Variants in HPS3 observed in about 807,000 individuals in gnomAD.
The protein encoded by HPS3 is BLOC-2 complex member HPS3.
HPS3 carries 79 observed loss-of-function variants against 110.9 expected under a neutral mutation model. The observed-to-expected ratio is 0.71, with a 90% CI of 0.59 to 0.86. HPS3 has a LOEUF of 0.86. HPS3 is among the 40% of genes least tolerant of loss of function. HPS3 has a pLI of 0.00. For synonymous variants in HPS3, 428 were observed against 451.0 expected, an observed-to-expected ratio of 0.95 and a Z score of 0.65; for missense variants, 1,197 against 1,206.2, an observed-to-expected ratio of 0.99 and a Z score of 0.11.
intron 1 of HPS3, among the ~76,000 whole-genome samples, chr3:149,133,090 A>G (rs1721870607): frequency 6.6e-6 from 1 of 152,198 alleles, no homozygotes; most frequent in African/African-American, 2.4e-5. Flanking sequence ...TGCTGGGAAC[A>G]TTGTTCAAAA....
intron 16 of HPS3, among the ~76,000 whole-genome samples, chr3:149,171,872 T>G (rs1340648950): frequency 6.6e-6 from 1 of 151,688 alleles, no homozygotes; most frequent in East Asian, 1.9e-4. Flanking sequence ...GCCCGGCTAA[T>G]TTTTTTGTAT....
Position 149,172,518 on chromosome 3 carries a change from AC to A in HPS3, c.*297del, listed in dbSNP as rs1249250776. On this transcript the variant is annotated 3_prime_UTR_variant, in exon 17 of 17. Transcript: ENST00000296051. Reference sequence around the variant, plus strand: ...CATACATTTTTTAAGGTGGGGATTGACTTTTATTCCAAGGAACAACATCAGT... The same window carrying A: ...CATACATTTTTTAAGGTGGGGATTGATTTTATTCCAAGGAACAACATCAGT... The A allele has an allele frequency of 7.1e-6, 2 of 280,330 alleles. No individual in the cohort carries two copies. The highest frequency in any genetic ancestry group is 4.4e-5 in the African/African-American group (2 of 45,428). 17.4% of individuals were successfully genotyped at this position (280,330 alleles called of 1,614,324 possible). A position where few individuals can be genotyped will look rare whatever the true frequency, so the allele number is the denominator to read the frequency against.
chr3:149,131,537 C>T (rs931446152), intron 1 of HPS3, among the ~76,000 whole-genome samples: 1 of 152,124 alleles, frequency 6.6e-6, no homozygotes, highest in Non-Finnish European at 1.5e-5. Context: ...GAACTGTGCC[C>T]ATGTGAGATG....
intron 16 of HPS3, among the ~76,000 whole-genome samples, chr3:149,169,522 C>A (rs1724768543): frequency 6.6e-6 from 1 of 152,208 alleles, no homozygotes; most frequent in Admixed American, 6.5e-5. Flanking sequence ...ATTTTTCAAC[C>A]TTGGTAATTG....
intron 16 of HPS3, 55 bp from the exon 17 acceptor site, chr3:149,172,040 A>AGATT (rs1020321309): frequency 1.9e-6 from 3 of 1,576,474 alleles, no homozygotes; most frequent in Non-Finnish European, 2.6e-6. Context: ...AAGTAAGAAG[A>AGATT]GATTGAATGA....
chr3:149,159,997 T>C, intron 10 of HPS3, 49 bp from the exon 11 acceptor site: 1 of 1,377,520 alleles, frequency 7.3e-7, no homozygotes. Context: ...GTTGCTTTCT[T>C]CTGGCTGACT....
intron 4 of HPS3, among the ~76,000 whole-genome samples, chr3:149,142,974 G>A (rs950353332): frequency 9.9e-5 from 15 of 152,256 alleles, no homozygotes; most frequent in African/African-American, 3.6e-4. Context: ...GAGGGGAAGA[G>A]AGCCTTCCAG....
chr3:149,167,314 C>A lies in HPS3; in HGVS notation c.2796+74C>A, dbSNP rs1201655224. The A allele has an allele frequency of 8.6e-6, 10 of 1,166,798 alleles. No individual in the cohort carries two copies. In the East Asian group the frequency reaches 2.0e-4, roughly 24 times the overall value. The allele number at this position is 1,166,798 out of a possible 1,614,324, so 72.3% of individuals were successfully genotyped here. ...TCTGATAACCTCATTTCCTTTCCTG[C>A]AAAATGGGGACAATTTATGCTAATC... On this transcript the variant is annotated intron_variant, in intron 15 of 16. Coordinates refer to ENST00000296051, the MANE Select transcript of HPS3 (RefSeq NM_032383.5).
intron 4 of HPS3, among the ~76,000 whole-genome samples, chr3:149,141,910 G>A (rs2108132099): frequency 6.6e-6 from 1 of 150,984 alleles, no homozygotes; most frequent in South Asian, 2.1e-4. Flanking sequence ...GAGTGCAATG[G>A]TATGATCTTG....
rs140733110 is a variant in HPS3 at position 149,135,825 on chromosome 3, G to A, written c.218-4179G>A. Among the ~76,000 whole-genome samples, 742 of 152,154 alleles carry A rather than the reference G, an allele frequency of 4.9e-3. 3 individuals carry two copies. Among genetic ancestry groups the A allele is most frequent in the African/African-American group, 0.015 (640 of 41,508 alleles). On this transcript the variant is annotated intron_variant, in intron 1 of 16. Coordinates refer to ENST00000296051, the MANE Select transcript of HPS3 (RefSeq NM_032383.5). ...CAGACCACAAGGCTGTAATTGCCTGGCCATTAGCACAAGTGTACTAAACCA... is the reference window on the plus strand; with the variant it reads ...CAGACCACAAGGCTGTAATTGCCTGACCATTAGCACAAGTGTACTAAACCA...
intron 1 of HPS3, among the ~76,000 whole-genome samples, chr3:149,138,442 A>C (rs2108125592): frequency 6.6e-6 from 1 of 152,338 alleles, no homozygotes; most frequent in African/African-American, 2.4e-5. Context: ...TTACCCGCAA[A>C]ATTCTAAAGA....
chr3:149,151,588 A>T (rs73866979), intron 6 of HPS3, among the ~76,000 whole-genome samples: 1,005 of 71,910 alleles, frequency 0.014, 26 homozygotes, highest in African/African-American at 0.077. Flanking sequence ...CTTGGTTTCT[A>T]AAAAAAAAAA....
intron 16 of HPS3, among the ~76,000 whole-genome samples, chr3:149,168,676 AT>A (rs2108189357): frequency 6.6e-6 from 1 of 152,238 alleles, no homozygotes; most frequent in Non-Finnish European, 1.5e-5. Context: ...TTTTCTGAAG[AT>A]CCCCCTTTAA....
chr3:149,173,530 T>G lies in HPS3; in HGVS notation c.*1308T>G. On this transcript the variant is annotated 3_prime_UTR_variant, in exon 17 of 17. Transcript: ENST00000296051. ...GTCAGTCATGTATCATTATATAGTC[T>G]GTTGATCTTTCCATTTGCAAAAAAT... 1 of 496,622 alleles carries G rather than the reference T, an allele frequency of 2.0e-6. No individual in the cohort carries two copies. Among genetic ancestry groups the G allele is most frequent in the Middle Eastern group, 5.9e-4 (1 of 1,694 alleles). The allele number at this position is 496,622 out of a possible 1,614,324, so 30.8% of individuals were successfully genotyped here. A position where few individuals can be genotyped will look rare whatever the true frequency, so the allele number is the denominator to read the frequency against.
chr3:149,156,951 G>A (rs575405554), intron 8 of HPS3, among the ~76,000 whole-genome samples: 1 of 152,140 alleles, frequency 6.6e-6, no homozygotes, highest in East Asian at 1.9e-4. Context: ...ACTAAAATAA[G>A]GGAAGAATAC....
chr3:149,163,144 A>G (rs746882955), intron 13 of HPS3, among the ~76,000 whole-genome samples: 1 of 152,166 alleles, frequency 6.6e-6, no homozygotes, highest in Non-Finnish European at 1.5e-5. Context: ...AAGCATGGAG[A>G]AAGGGACTTC....
At chr3:149,149,205 C>T (rs950032999) in intron 5 of HPS3, among the ~76,000 whole-genome samples, 3 of 151,046 alleles carry the variant, frequency 2.0e-5, no homozygotes, top group African/African-American at 4.9e-5. Context: ...CCTCATGATC[C>T]GCCTGTCTCG....
chr3:149,145,309 TTTAC>T, intron 4 of HPS3, 41 bp from the exon 5 acceptor site: 1 of 1,410,606 alleles, frequency 7.1e-7, no homozygotes, highest in South Asian at 1.2e-5. Flanking sequence ...TCCCCCTTTA[TTTAC>T]TGGTTTCATG....
chr3:149,150,375 G>A (rs1264289302), intron 5 of HPS3, among the ~76,000 whole-genome samples: 2 of 152,140 alleles, frequency 1.3e-5, no homozygotes, highest in Non-Finnish European at 2.9e-5. Context: ...TAGAGATTGC[G>A]ATTCACTAGG....
Sources: allele counts gnomAD v4.1 joint callset (sites outside exome capture counted in the v4.1 genomes callset), GRCh38; gene constraint gnomAD v4.1.1; transcripts MANE v1.5; gene names NCBI Gene and HGNC (gene_info 2026-07-23, HGNC 2026-07-21).